TMEM200A: variants seen among roughly 807,000 people sequenced by gnomAD.
TMEM200A encodes two transmembrane C.
In TMEM200A, 12 loss-of-function variants were observed where a neutral mutation model predicts 24.3. The observed-to-expected ratio is 0.49, with a 90% confidence interval of 0.32 to 0.80. The LOEUF (loss-of-function observed/expected upper bound fraction) is 0.80, where lower values mean the gene tolerates loss of function less well. Ranked by LOEUF, TMEM200A falls within the 30% of genes least tolerant of loss-of-function variation. The pLI, the probability that TMEM200A is intolerant of heterozygous loss-of-function variation, is 0.04. For missense variants in TMEM200A, 545 were observed against 614.4 expected, an observed-to-expected ratio of 0.89 and a Z score of 1.19; for synonymous variants, 224 against 224.4, an observed-to-expected ratio of 1.00 and a Z score of 0.02.
intron 2 of TMEM200A, among the ~76,000 whole-genome samples, chr6:130,386,344 G>A (rs1184341241): frequency 2.0e-5 from 3 of 152,118 alleles, no homozygotes; most frequent in Non-Finnish European, 4.4e-5. Context: ...TGCTTAGAAC[G>A]GGGCTGAAAA....
chr6:130,367,946 A>G (rs995661200), intron 1 of TMEM200A, among the ~76,000 whole-genome samples: 8 of 152,194 alleles, frequency 5.3e-5, no homozygotes, highest in African/African-American at 1.7e-4. Flanking sequence ...AGTTGTATGG[A>G]AAGTCCCTGT....
At chr6:130,387,874 G>A (rs1237258415) in intron 2 of TMEM200A, among the ~76,000 whole-genome samples, 1 of 152,122 alleles carries the variant, frequency 6.6e-6, no homozygotes, top group African/African-American at 2.4e-5. Flanking sequence ...CTCTTAAAAA[G>A]CTTTTAAAAT....
Position 130,440,824 on chromosome 6 carries a change from G to T in TMEM200A, c.402G>T (p.Gly134=). 1 of 1,613,914 alleles carries T rather than the reference G, an allele frequency of 6.2e-7. No individual in the cohort carries two copies. Among genetic ancestry groups the T allele is most frequent in the Non-Finnish European group, 8.5e-7 (1 of 1,179,910 alleles). Residue 134 remains glycine, a synonymous_variant, in exon 3 of 3, where the codon GGG becomes GGT. Transcript: ENST00000296978. ...KMKMLGPFTM[G]IGIFIFICAN... ...AAATGCTTGGCCCATTCACCATGGG[G>T]ATTGGCATTTTCATTTTCATTTGTG... is the stretch of plus-strand genomic sequence containing the variant.
chr6:130,399,256 A>G (rs2115127760), intron 2 of TMEM200A, among the ~76,000 whole-genome samples: 1 of 152,150 alleles, frequency 6.6e-6, no homozygotes, highest in Middle Eastern at 3.4e-3. Context: ...GTAAGTATGC[A>G]TTTAAAAAAA....
In TMEM200A at chr6:130,411,167, CAAA is replaced by C. The variant is rs530219251; in HGVS notation, c.-17+25943_-17+25945del. ...TTGGGCGAGGAGTGAAACTCCATCT[CAAA>C]AAAAAAAAAAATCAATATGGCATCT... On this transcript the variant is annotated intron_variant, in intron 2 of 2. Transcript: ENST00000296978. Among the ~76,000 whole-genome samples, 559 of 130,192 alleles carry C rather than the reference CAAA, an allele frequency of 4.3e-3. 7 individuals are homozygous for C. The highest frequency in any genetic ancestry group is 0.014 in the African/African-American group (527 of 36,554). The allele number at this position is 130,192 out of a possible 152,430, so 85.4% of individuals were successfully genotyped here. A position where few individuals can be genotyped will look rare whatever the true frequency, so the allele number is the denominator to read the frequency against.
chr6:130,427,450 CATTTGTTTCCA>C (rs908676271), intron 2 of TMEM200A, among the ~76,000 whole-genome samples: 5 of 152,134 alleles, frequency 3.3e-5, no homozygotes, highest in African/African-American at 1.2e-4. Context: ...TGTTGCTGAG[CATTTGTTTCCA>C]AGTTGTTGCC....
chr6:130,418,584 G>A (rs1371350108), intron 2 of TMEM200A, among the ~76,000 whole-genome samples: 1 of 152,062 alleles, frequency 6.6e-6, no homozygotes, highest in African/African-American at 2.4e-5. Context: ...TTACCTCAAG[G>A]TTATTGCTAT....
At chr6:130,439,417 G>A (rs1022104393) in intron 2 of TMEM200A, 22 of 152,380 alleles carry the variant, frequency 1.4e-4, no homozygotes, top group African/African-American at 5.1e-4. Context: ...AGCCAAATCT[G>A]AGAACTGACC....
intron 2 of TMEM200A, among the ~76,000 whole-genome samples, chr6:130,405,338 T>C (rs1300763214): frequency 6.6e-6 from 1 of 152,202 alleles, no homozygotes; most frequent in Non-Finnish European, 1.5e-5. Context: ...CTATGAGCAG[T>C]GGTTTGTAGT....
At chr6:130,405,904 A>G (rs1218318517) in intron 2 of TMEM200A, among the ~76,000 whole-genome samples, 1 of 152,196 alleles carries the variant, frequency 6.6e-6, no homozygotes, top group Non-Finnish European at 1.5e-5. Context: ...GAGTGGACAC[A>G]TATGACCCTG....
chr6:130,441,443 G>C lies in TMEM200A; in HGVS notation c.1021G>C (p.Val341Leu), dbSNP rs148773951. 1,687 of 1,614,006 alleles carry C rather than the reference G, an allele frequency of 1.0e-3. 15 individuals carry two copies. In the African/African-American group the frequency reaches 0.019, roughly 18 times the overall value. Reference sequence around the variant, plus strand: ...CAACACCAGTGAATCCTTCCAGCCCGTCAGCACAGTGCTACCAAGGAATAA... The same window carrying C: ...CAACACCAGTGAATCCTTCCAGCCCCTCAGCACAGTGCTACCAAGGAATAA... ...LPNTSESFQP[V>L]STVLPRNNSI... Residue 341 changes from valine (V) to leucine (L), a missense_variant, in exon 3 of 3, where the codon GTC becomes CTC. Transcript: ENST00000296978.
chr6:130,380,416 G>A (rs1325308268), intron 1 of TMEM200A, among the ~76,000 whole-genome samples: 1 of 152,154 alleles, frequency 6.6e-6, no homozygotes, highest in Non-Finnish European at 1.5e-5. Flanking sequence ...AAAAGTTTAA[G>A]CTATTTGCCA....
intron 1 of TMEM200A, among the ~76,000 whole-genome samples, chr6:130,379,102 T>G (rs1778536407): frequency 6.6e-6 from 1 of 152,182 alleles, no homozygotes; most frequent in African/African-American, 2.4e-5. Context: ...CCTAATCACT[T>G]CTCAGAGGTT....
Position 130,366,615 on chromosome 6 carries a change from T to A in TMEM200A, c.-81+91T>A. The A allele has an allele frequency of 1.0e-6, 1 of 955,896 alleles. No individual in the cohort carries two copies. Among genetic ancestry groups the A allele is most frequent in the Non-Finnish European group, 1.2e-6 (1 of 803,120 alleles). The allele number at this position is 955,896 out of a possible 1,614,324, so 59.2% of individuals were successfully genotyped here. On this transcript the variant is annotated intron_variant, in intron 1 of 2. Coordinates refer to ENST00000296978, the MANE Select transcript of TMEM200A (RefSeq NM_001258277.2). The surrounding 1 kb of genome is among the most constrained non-coding windows in gnomAD (Gnocchi z 4.4). ...CGGGCACTTCTTCAGCCCTCTGCCCTCCCCTCCCCTCCGCTACAGCCTCCA... is the reference window on the plus strand; with the variant it reads ...CGGGCACTTCTTCAGCCCTCTGCCCACCCCTCCCCTCCGCTACAGCCTCCA...
At chr6:130,401,207 T>G (rs1475011068) in intron 2 of TMEM200A, among the ~76,000 whole-genome samples, 3 of 152,068 alleles carry the variant, frequency 2.0e-5, no homozygotes, top group Non-Finnish European at 4.4e-5. Flanking sequence ...TCATGTTGAT[T>G]AATATCTTGC....
chr6:130,402,301 T>C (rs943147454), intron 2 of TMEM200A, among the ~76,000 whole-genome samples: 1 of 152,032 alleles, frequency 6.6e-6, no homozygotes, highest in Non-Finnish European at 1.5e-5. Flanking sequence ...ACTGAAACAC[T>C]GTGTCTGCAG....
At chr6:130,374,242 G>T (rs35034471) in intron 1 of TMEM200A, among the ~76,000 whole-genome samples, 2 of 152,108 alleles carry the variant, frequency 1.3e-5, no homozygotes, top group Non-Finnish European at 2.9e-5. Flanking sequence ...TGGATATTAG[G>T]TCCTAGTAGT....
chr6:130,404,436 GA>G, intron 2 of TMEM200A, among the ~76,000 whole-genome samples: 1 of 152,246 alleles, frequency 6.6e-6, no homozygotes, highest in Non-Finnish European at 1.5e-5. Context: ...TAGTGATGAT[GA>G]GTTTTACATA....
At chr6:130,404,201 GATTGCTGAGTCCAATGGT>G (rs1464798319) in intron 2 of TMEM200A, among the ~76,000 whole-genome samples, 2 of 152,170 alleles carry the variant, frequency 1.3e-5, no homozygotes, top group African/African-American at 4.8e-5. Context: ...CCAGTAATGG[GATTGCTGAGTCCAATGGT>G]ATTTCTGCCT....
Sources: gnomAD v4.1 joint callset for allele counts (sites outside exome capture counted in the v4.1 genomes callset) on GRCh38, gnomAD v4.1.1 for gene constraint, Gnocchi (gnomAD v3.1) non-coding constraint, MANE v1.5 for transcripts, NCBI Gene and HGNC (gene_info 2026-07-23, HGNC 2026-07-21) for gene names.